The following NPAS3 variants were observed in gnomAD, a reference collection of about 807,000 sequenced individuals.
The protein encoded by NPAS3 is neuronal PAS domain-containing protein 3.
A neutral mutation model predicts 73.1 loss-of-function variants in NPAS3; 14 were observed. The ratio of observed to expected loss-of-function variants is 0.19; its 90% CI spans 0.13 to 0.30. NPAS3 has a LOEUF of 0.30. Among genes scored for constraint, NPAS3 ranks in the 10% least tolerant of loss-of-function variants. The probability of loss-of-function intolerance (pLI) is 1.00; values close to 1 mark genes in which losing one functional copy is unlikely to be tolerated. For missense variants in NPAS3, 1,096 were observed against 1,250.0 expected (o/e 0.88, Z 1.86); for synonymous variants, 620 against 541.5 (o/e 1.14, Z -2.01).
chr14:33,623,275 A>G (rs138870371), intron 5 of NPAS3, among the ~76,000 whole-genome samples: 130 of 152,316 alleles, frequency 8.5e-4, no homozygotes, highest in African/African-American at 3.1e-3. Context: ...TGGACAGTGG[A>G]TGACAGTATC....
At chr14:33,258,155 G>A (rs1425515883) in intron 3 of NPAS3, among the ~76,000 whole-genome samples, 1 of 152,176 alleles carries the variant, frequency 6.6e-6, no homozygotes, top group African/African-American at 2.4e-5. Flanking sequence ...CCAGCACTTT[G>A]GCAGGCCGAG....
At chr14:33,182,433 G>T (rs570093461) in intron 2 of NPAS3, among the ~76,000 whole-genome samples, 1 of 152,086 alleles carries the variant, frequency 6.6e-6, no homozygotes, top group African/African-American at 2.4e-5. Flanking sequence ...TTTATAGGTG[G>T]TTTAAATAAA....
At chr14:32,944,224 G>A (rs745473466) in intron 1 of NPAS3, among the ~76,000 whole-genome samples, 2 of 152,220 alleles carry the variant, frequency 1.3e-5, no homozygotes, top group Admixed American at 6.5e-5. Context: ...TCCATGCTAT[G>A]TTTACACAGT....
chr14:32,940,962 G>T (rs1475006118), intron 1 of NPAS3, among the ~76,000 whole-genome samples: 2 of 152,108 alleles, frequency 1.3e-5, no homozygotes, highest in Non-Finnish European at 2.9e-5. Flanking sequence ...TGTTAAATGT[G>T]TATAGCATTA....
chr14:33,390,450 A>G (rs1300939974), intron 4 of NPAS3, among the ~76,000 whole-genome samples: 1 of 152,192 alleles, frequency 6.6e-6, no homozygotes, highest in African/African-American at 2.4e-5. Context: ...AGAATAATTT[A>G]GCAGTCAATA....
chr14:33,255,698 G>A (rs2048754220), intron 3 of NPAS3, among the ~76,000 whole-genome samples: 1 of 152,086 alleles, frequency 6.6e-6, no homozygotes, highest in Non-Finnish European at 1.5e-5. Context: ...TCTGAAGATG[G>A]TATAGCCTTA....
intron 1 of NPAS3, among the ~76,000 whole-genome samples, chr14:32,967,771 T>TGG (rs71118518): frequency 0.013 from 1,892 of 147,270 alleles, 16 homozygotes; most frequent in Non-Finnish European, 0.017. Context: ...CAACAGCATG[T>TGG]GGGGGGGGGT....
At chr14:33,726,346 C>A (rs189003503) in intron 6 of NPAS3, among the ~76,000 whole-genome samples, 2 of 152,284 alleles carry the variant, frequency 1.3e-5, no homozygotes, top group East Asian at 3.9e-4. Flanking sequence ...GCAAATCACT[C>A]AATCTTGGAC....
intron 3 of NPAS3, among the ~76,000 whole-genome samples, chr14:33,234,563 T>C (rs1387534355): frequency 6.6e-6 from 1 of 152,104 alleles, no homozygotes; most frequent in African/African-American, 2.4e-5. Context: ...GCCAGTTCAG[T>C]TATATGAAAC....
chr14:33,183,312 G>C (rs947880444), intron 2 of NPAS3, among the ~76,000 whole-genome samples: 1 of 151,544 alleles, frequency 6.6e-6, no homozygotes. Context: ...TGTAATCCCA[G>C]CTACTTGGGG....
chr14:33,282,555 C>T (rs774582759), intron 3 of NPAS3, among the ~76,000 whole-genome samples: 14 of 152,168 alleles, frequency 9.2e-5, no homozygotes, highest in Non-Finnish European at 1.9e-4. Flanking sequence ...CATGTTTTAA[C>T]CGTATTTCTA....
chr14:32,935,209 C>T (rs1460007426), upstream of NPAS3, among the ~76,000 whole-genome samples: 1 of 152,214 alleles, frequency 6.6e-6, no homozygotes, highest in Non-Finnish European at 1.5e-5. Context: ...GAAGTGAAAT[C>T]ATCCTTTGCC....
chr14:33,657,514 C>T (rs75556338), intron 5 of NPAS3, among the ~76,000 whole-genome samples: 9,831 of 151,752 alleles, frequency 0.065, 475 homozygotes, highest in East Asian at 0.19. Flanking sequence ...TTTCCATTTC[C>T]TCTCCAACTA....
At chr14:33,710,464 G>A (rs2060786072) in intron 6 of NPAS3, among the ~76,000 whole-genome samples, 1 of 152,174 alleles carries the variant, frequency 6.6e-6, no homozygotes, top group African/African-American at 2.4e-5. Flanking sequence ...AGCAAAGTGT[G>A]GGTGTTGAAA....
intron 3 of NPAS3, among the ~76,000 whole-genome samples, chr14:33,281,110 G>C (rs1236734487): frequency 2.0e-5 from 3 of 152,122 alleles, no homozygotes; most frequent in African/African-American, 7.2e-5. Context: ...ATTTGTCTGA[G>C]GGTTTTCTGG....
At chr14:33,229,918 A>T (rs1876807807) in intron 3 of NPAS3, among the ~76,000 whole-genome samples, 1 of 152,226 alleles carries the variant, frequency 6.6e-6, no homozygotes, top group Non-Finnish European at 1.5e-5. Flanking sequence ...CATTTTAAGC[A>T]TTTGGCTTCT....
At chr14:33,761,511 A>G (rs910911276) in intron 7 of NPAS3, among the ~76,000 whole-genome samples, 9 of 111,014 alleles carry the variant, frequency 8.1e-5, no homozygotes, top group Admixed American at 1.6e-4. Context: ...CCCCAGAAGA[A>G]AAAAAAAAAA....
chr14:33,065,756 T>C (rs771553904), intron 2 of NPAS3, among the ~76,000 whole-genome samples: 54 of 151,998 alleles, frequency 3.6e-4, no homozygotes, highest in Non-Finnish European at 7.1e-4. Flanking sequence ...CTATTTCTCT[T>C]ACTAGCAATT....
At position 33,093,408 on chromosome 14, in the gene NPAS3, A is replaced by C. The variant is rs192894578; in HGVS notation, c.140+37414A>C. 2.9e-3 allele frequency among the ~76,000 whole-genome samples: 438 copies of C among 152,324 alleles called. 1 individual carries two copies. The highest frequency in any genetic ancestry group is 4.1e-3 in the Non-Finnish European group (276 of 68,024). On this transcript the variant is annotated intron_variant, in intron 2 of 11. Transcript: ENST00000356141. ...GGCCATCAGAGAAATGCAAATCAAA[A>C]CCACAATGAGATACCATCTCACACC...
Sources: allele counts gnomAD v4.1 joint callset (sites outside exome capture counted in the v4.1 genomes callset), GRCh38; gene constraint gnomAD v4.1.1; transcripts MANE v1.5; gene names NCBI Gene and HGNC (gene_info 2026-07-23, HGNC 2026-07-21).